TTN: variants seen among roughly 807,000 people sequenced by gnomAD.
TTN encodes connectin.
Under a neutral mutation model 3,223.0 loss-of-function variants are expected in TTN, and 1,525 were observed. The observed-to-expected ratio is 0.47, with a 90% CI of 0.45 to 0.49. TTN has a LOEUF of 0.49. Ranked by LOEUF, TTN falls within the 20% of genes least tolerant of loss-of-function variation. TTN has a pLI of 0.00. For missense variants in TTN, 40,786 were observed against 43,424.0 expected (o/e 0.94, Z 5.40); for synonymous variants, 14,094 against 15,161.0 (o/e 0.93, Z 5.17).
Position 178,711,272 on chromosome 2 carries a change from A to T in TTN, c.27964T>A (p.Cys9322Ser). 1 of 1,613,580 alleles carries T rather than the reference A, an allele frequency of 6.2e-7. No homozygotes were observed. Among genetic ancestry groups the T allele is most frequent in the Non-Finnish European group, 8.5e-7 (1 of 1,179,716 alleles). The change falls in exon 97 of 363, where the codon TGT (cysteine) becomes AGT (serine). Residue 9322 changes from cysteine (C) to serine (S), a missense_variant. Physicochemically the swap from Cys to Ser is moderately radical, Grantham distance 112 (BLOSUM62 -1). Coordinates refer to ENST00000589042, the MANE Select transcript of TTN (RefSeq NM_001267550.2). ...ATAGGTTCTGATCCACTTATGGCAC[A>T]ATCAAAAACAACTGGCAGTCCAACT... ...ETVGLPVVFD[C>S]AISGSEPISV...
Position 178,542,277 on chromosome 2 carries a change from A to G in TTN, c.97479T>C (p.Cys32493=), listed in dbSNP as rs1575396828. The G allele has an allele frequency of 6.2e-7, 1 of 1,607,646 alleles. No homozygotes were observed. The highest frequency in any genetic ancestry group is 1.3e-5 in the African/African-American group (1 of 74,916). The change falls in exon 349 of 363, where the codon TGT becomes TGC. Residue 32493 remains cysteine (C), a synonymous_variant. Transcript: ENST00000589042. ...CTGTGGACTTACGGATGCTGCTGCG[A>G]CACTCTATGACCTCAGACTGCAAGT... is the stretch of plus-strand genomic sequence containing the variant. ...GSYLQSEVIE[C]RSSIRIPGPP...
chr2:178,798,241 T>C (rs1456569208), intron 6 of TTN, among the ~76,000 whole-genome samples: 2 of 152,176 alleles, frequency 1.3e-5, no homozygotes, highest in East Asian at 1.9e-4. Context: ...GGAACATCCA[T>C]GTGTTTTTTA....
chr2:178,799,946 C>A, intron 4 of TTN, 36 bp from the exon 5 acceptor site: 1 of 1,594,452 alleles, frequency 6.3e-7, no homozygotes, highest in Non-Finnish European at 8.6e-7. Context: ...TGGGAGGGGG[C>A]ACAATGACCC....
intron 43 of TTN, among the ~76,000 whole-genome samples, chr2:178,763,596 A>G (rs1012081253): frequency 3.3e-5 from 5 of 152,188 alleles, no homozygotes; most frequent in Admixed American, 6.5e-5. Flanking sequence ...ATTTTCTAGG[A>G]TTGAATGCAA....
Position 178,585,271 on chromosome 2 carries a change from A to G in TTN, c.64473T>C (p.Tyr21491=). ...ATTTACAGGTGGGATGAGGCTTTCCATACACATGGGCTTCAATTCGGAGTT... is the reference window on the plus strand; with the variant it reads ...ATTTACAGGTGGGATGAGGCTTTCCGTACACATGGGCTTCAATTCGGAGTT... ...GKKLRIEAHV[Y]GKPHPTCKWK... is the part of the protein sequence containing the mutation. The change falls in exon 309 of 363, where the codon TAT becomes TAC. Residue 21491 remains tyrosine (Y), a synonymous_variant. Transcript: ENST00000589042. 3 of 1,613,154 alleles carry G rather than the reference A, an allele frequency of 1.9e-6. No homozygotes were observed. Among genetic ancestry groups the G allele is most frequent in the Non-Finnish European group, 2.5e-6 (3 of 1,179,394 alleles).
chr2:178,557,624 TC>T (rs1259203230), intron 328 of TTN, 23 bp downstream of exon 328: 1 of 1,612,626 alleles, frequency 6.2e-7, no homozygotes, highest in African/African-American at 1.3e-5. Context: ...AAAACCTGGA[TC>T]TTTGAAAAGT....
In TTN at chr2:178,547,016, A is replaced by G. The variant is rs1407341819; in HGVS notation, c.94509T>C (p.Ala31503=). The part of the protein sequence containing the change: ...KASEASRPIM[A]QNPVDAPGRP... ...TGTGATACATACCAACTGGATTTTG[A>G]GCCATTATAGGTCTTGAAGCTTCGC... Residue 31503 remains alanine (A), a synonymous_variant, in exon 340 of 363, where the codon GCT becomes GCC. Coordinates refer to ENST00000589042, the MANE Select transcript of TTN (RefSeq NM_001267550.2). 2 of 1,608,750 alleles carry G rather than the reference A, an allele frequency of 1.2e-6. No individual in the cohort carries two copies. The highest frequency in any genetic ancestry group is 8.5e-7 in the Non-Finnish European group (1 of 1,176,314).
At chr2:178,726,661 G>C (rs2079397967) in intron 69 of TTN, 1 of 154,188 alleles carries the variant, frequency 6.5e-6, no homozygotes, top group African/African-American at 2.4e-5. Context: ...TTATTGTCCT[G>C]TTTTAAACAT....
At position 178,611,474 on chromosome 2, in the gene TTN, C is replaced by A. The variant is rs2056315018; in HGVS notation, c.50755G>T (p.Val16919Phe). ...DLKFKVEEGVVPDKEYVLRVR... is the reference protein window; with the variant it reads ...DLKFKVEEGVFPDKEYVLRVR... Reference sequence around the variant, plus strand: ...CTCAGGACATATTCTTTGTCAGGAACAACACCTTCTTCAACCTTGAATTTC... The same window carrying A: ...CTCAGGACATATTCTTTGTCAGGAAAAACACCTTCTTCAACCTTGAATTTC... The change falls in exon 269 of 363, where the codon GTT becomes TTT. Residue 16919 changes from valine (V) to phenylalanine (F), a missense_variant. Transcript: ENST00000589042. The A allele has an allele frequency of 1.2e-6, 2 of 1,612,964 alleles. No homozygotes were observed. The highest frequency in any genetic ancestry group is 1.7e-6 in the Non-Finnish European group (2 of 1,179,312).
chr2:178,652,805 AGAG>A, intron 200 of TTN, 40 bp downstream of exon 200: 21 of 1,607,994 alleles, frequency 1.3e-5, no homozygotes, highest in Non-Finnish European at 1.7e-5. Flanking sequence ...TTTCAAGAAT[AGAG>A]GAGTTTGATC....
In TTN at chr2:178,598,599, A is replaced by T. The variant is rs780515211; in HGVS notation, c.57018T>A (p.Asp19006Glu). ...CTTTTAGTGGGGGAGACCACTCCAG[A>T]TCTGCAGATGATTTAGTCCAATCTG... ...KVTDWTKSSADLEWSPPLKDG... is the reference protein window; with the variant it reads ...KVTDWTKSSAELEWSPPLKDG... The change falls in exon 292 of 363, where the codon GAT becomes GAA. Residue 19006 changes from aspartate to glutamate, a missense_variant. Transcript: ENST00000589042. 5.0e-6 allele frequency: 8 copies of T among 1,608,486 alleles called. No individual in the cohort carries two copies. The highest frequency in any genetic ancestry group is 2.7e-5 in the African/African-American group (2 of 74,444).
At chr2:178,639,269 C>T (rs2060914754) in intron 223 of TTN, among the ~76,000 whole-genome samples, 1 of 151,996 alleles carries the variant, frequency 6.6e-6, no homozygotes, top group South Asian at 2.1e-4. Flanking sequence ...CAACACTATC[C>T]ATTTCCAGAA....
Position 178,559,597 on chromosome 2 carries a change from G to A in TTN, c.86535C>T (p.Thr28845=), listed in dbSNP as rs767091592. Residue 28845 remains threonine, a synonymous_variant, in exon 326 of 363, where the codon ACC becomes ACT. Coordinates refer to ENST00000589042, the MANE Select transcript of TTN (RefSeq NM_001267550.2). ...SLTLVVKVLD[T]PGPPTNITVQ... ...CAGTAATGTTGGTTGGAGGACCTGG[G>A]GTATCTAAAACTTTGACAACTAAGG... The A allele has an allele frequency of 1.9e-6, 3 of 1,613,676 alleles. No individual in the cohort carries two copies. The highest frequency in any genetic ancestry group is 3.3e-5 in the Admixed American group (2 of 59,982).
intron 47 of TTN, chr2:178,752,047 A>C: frequency 6.3e-7 from 1 of 1,576,356 alleles, no homozygotes; most frequent in Non-Finnish European, 8.6e-7. Flanking sequence ...ATTCTGGAAA[A>C]AAAAAAAAAA....
rs1329313961 is a variant in TTN, at chr2:178,593,748, C to T, written c.58552G>A (p.Glu19518Lys). 1 of 1,613,206 alleles carries T rather than the reference C, an allele frequency of 6.2e-7. No homozygotes were observed. Among genetic ancestry groups the T allele is most frequent in the South Asian group, 1.1e-5 (1 of 91,050 alleles). Residue 19518 changes from glutamate (E) to lysine (K), a missense_variant, in exon 298 of 363, where the codon GAG becomes AAG. Physicochemically the swap from Glu to Lys is moderately conservative, Grantham distance 56. Transcript: ENST00000589042. ...ACGTCTTTACCCACTTCCTTCTTCT[C>T]AATAATATAATTGGTGATTTTACTG... ...GGSKITNYIIEKKEVGKDVWM... is the reference protein window; with the variant it reads ...GGSKITNYIIKKKEVGKDVWM...
Position 178,559,385 on chromosome 2 carries a change from TAATA to T in TTN, c.86743_86746del (p.Tyr28915ThrfsTer22). ...CTCATTTTCTCCAGAGACTCTGAAG[TAATA>T]GATAGCTCCTTCTTGTAAATTGGTA... On this transcript the variant is annotated frameshift_variant, in exon 326 of 363. Coordinates refer to ENST00000589042, the MANE Select transcript of TTN (RefSeq NM_001267550.2). LOFTEE classifies it high-confidence loss of function. 1.2e-6 allele frequency: 2 copies of T among 1,613,730 alleles called. No homozygotes were observed. Among genetic ancestry groups the T allele is most frequent in the Non-Finnish European group, 1.7e-6 (2 of 1,179,686 alleles).
At position 178,612,784 on chromosome 2, in the gene TTN, C is replaced by T. The variant is rs746384579; in HGVS notation, c.49937G>A (p.Arg16646Gln). ...CAAGAGTGACTTACATAGCTTCTCC[C>T]GGCAAAGCACAGGGTCACTGGGTTC... ...PSEPSDPVLC[R>Q]EKLYPPSPPR... The change falls in exon 265 of 363, where the codon CGG becomes CAG. Residue 16646 changes from arginine (R) to glutamine (Q), a missense_variant. Transcript: ENST00000589042. 3.9e-5 allele frequency: 62 copies of T among 1,609,284 alleles called. No homozygotes were observed. Among genetic ancestry groups the T allele is most frequent in the South Asian group, 8.9e-5 (8 of 90,216 alleles).
rs747626326 is a variant in TTN, at chr2:178,728,261, T to C, written c.19563A>G (p.Ile6521Met). ...CAAGTCTGTATTTTGCACTTGTAGA[T>C]ATTTCTTTTCCATCCTTAAACCACT... Reference protein sequence around the residue: ...SAQWFKDGKEISTSAKYRLVC... With the variant: ...SAQWFKDGKEMSTSAKYRLVC... Residue 6521 changes from isoleucine (I) to methionine (M), a missense_variant, in exon 67 of 363, where the codon ATA becomes ATG. Transcript: ENST00000589042. 1 of 1,613,350 alleles carries C rather than the reference T, an allele frequency of 6.2e-7. No homozygotes were observed. The highest frequency in any genetic ancestry group is 1.7e-5 in the Admixed American group (1 of 59,956).
At chr2:178,685,202 A>G in intron 129 of TTN, 51 bp downstream of exon 129, 1 of 1,416,480 alleles carries the variant, frequency 7.1e-7, no homozygotes, top group Non-Finnish European at 9.6e-7. Context: ...TGAAGGTATT[A>G]TTATATACAT....
Sources: gnomAD v4.1 joint callset for allele counts (sites outside exome capture counted in the v4.1 genomes callset) on GRCh38, gnomAD v4.1.1 for gene constraint, MANE v1.5 for transcripts, NCBI Gene and HGNC (gene_info 2026-07-23, HGNC 2026-07-21) for gene names.